KIF20B: variants seen among roughly 807,000 people sequenced by gnomAD.
KIF20B encodes the protein kinesin family member 20B.
A neutral mutation model predicts 232.5 loss-of-function variants in KIF20B; 188 were observed. That is an observed-to-expected ratio of 0.81 (90% CI 0.72 to 0.91). The LOEUF (loss-of-function observed/expected upper bound fraction) is 0.91. Ranked by LOEUF, KIF20B falls within the 40% of genes least tolerant of loss-of-function variation. The pLI, the probability that KIF20B is intolerant of heterozygous loss-of-function variation, is 0.00. For missense variants in KIF20B, 2,154 were observed against 2,055.9 expected, an observed-to-expected ratio of 1.05 and a Z score of -0.92; for synonymous variants, 712 against 683.0, an observed-to-expected ratio of 1.04 and a Z score of -0.66.
In KIF20B at chr10:89,755,230, T is replaced by C. The variant is rs182001521; in HGVS notation, c.4503+557T>C. On this transcript the variant is annotated intron_variant, in intron 26 of 32. Transcript: ENST00000371728. ...CCGAGGAAAGCTATTGAGCAACAAATATTTTAAAATGAAAAACCAGTGTCT... is the reference window on the plus strand; with the variant it reads ...CCGAGGAAAGCTATTGAGCAACAAACATTTTAAAATGAAAAACCAGTGTCT... 3.2e-3 allele frequency among the ~76,000 whole-genome samples: 486 copies of C among 152,332 alleles called. 4 individuals are homozygous for C. The highest frequency in any genetic ancestry group is 0.011 in the African/African-American group (451 of 41,578).
intron 8 of KIF20B, 66 bp from the exon 9 acceptor site, chr10:89,716,370 A>G (rs1306739391): frequency 8.6e-6 from 6 of 696,288 alleles, no homozygotes; most frequent in Non-Finnish European, 1.4e-5. Context: ...ACTTTCAAAG[A>G]GATTACATTG....
At chr10:89,764,142 C>T (rs562196574) in intron 29 of KIF20B, among the ~76,000 whole-genome samples, 1,493 of 147,198 alleles carry the variant, frequency 0.01, 31 homozygotes, top group African/African-American at 0.035. Flanking sequence ...TGAGAACATG[C>T]GGTGTTTGGT....
At chr10:89,720,934 T>G (rs1391609255) in intron 13 of KIF20B, among the ~76,000 whole-genome samples, 1 of 152,176 alleles carries the variant, frequency 6.6e-6, no homozygotes, top group Non-Finnish European at 1.5e-5. Context: ...GGTCTCGAAC[T>G]CCTGACCTTG....
At position 89,737,625 on chromosome 10, in the gene KIF20B, TTTAAG is replaced by T. The variant is rs1163769166; in HGVS notation, c.2786_2790del (p.Leu929Ter). On this transcript the variant is annotated frameshift_variant, in exon 20 of 33. Coordinates refer to ENST00000371728, the MANE Select transcript of KIF20B (RefSeq NM_001284259.2). LOFTEE classifies it high-confidence loss of function. ...CTCTTTCTGAAAAAAAGAATTTAAC[TTTAAG>T]TAAAGAGGTCCAACAAATTCAGTCA... 1 of 1,608,338 alleles carries T rather than the reference TTTAAG, an allele frequency of 6.2e-7. No homozygotes were observed. Among genetic ancestry groups the T allele is most frequent in the Non-Finnish European group, 8.5e-7 (1 of 1,177,356 alleles).
rs754451636 is a variant in KIF20B, at chr10:89,737,432, G to C, written c.2591G>C (p.Ser864Thr). The change falls in exon 20 of 33, where the codon AGT becomes ACT. Residue 864 changes from serine (S) to threonine (T), a missense_variant. Ser to Thr is a moderately conservative substitution (Grantham distance 58). Coordinates refer to ENST00000371728, the MANE Select transcript of KIF20B (RefSeq NM_001284259.2). ...GCTATCACTGAAGACCAAAAGAAAA[G>C]TGAAGAAGTGCGACCGAACATTGCA... ...SSAITEDQKK[S>T]EEVRPNIAEI... is the part of the protein sequence containing the mutation. 6.3e-7 allele frequency: 1 copy of C among 1,595,968 alleles called. No individual in the cohort carries two copies. The highest frequency in any genetic ancestry group is 8.5e-7 in the Non-Finnish European group (1 of 1,175,318).
chr10:89,712,276 C>T (rs1160816543), intron 6 of KIF20B, among the ~76,000 whole-genome samples: 1 of 151,604 alleles, frequency 6.6e-6, no homozygotes, highest in Non-Finnish European at 1.5e-5. Context: ...TTTTTAGAGA[C>T]AGGATCTTGC....
intron 21 of KIF20B, among the ~76,000 whole-genome samples, chr10:89,739,900 A>C (rs1841759031): frequency 6.6e-6 from 1 of 152,172 alleles, no homozygotes; most frequent in Non-Finnish European, 1.5e-5. Flanking sequence ...GTACAGTCGT[A>C]ATTAATCATT....
rs1466836347 is a variant in KIF20B at position 89,726,402 on chromosome 10, C to G, written c.2111C>G (p.Pro704Arg). 1.3e-6 allele frequency: 2 copies of G among 1,588,326 alleles called. No individual in the cohort carries two copies. The highest frequency in any genetic ancestry group is 2.7e-5 in the African/African-American group (2 of 73,960). Residue 704 changes from proline to arginine, a missense_variant, in exon 16 of 33, where the codon CCT (proline) becomes CGT (arginine). Coordinates refer to ENST00000371728, the MANE Select transcript of KIF20B (RefSeq NM_001284259.2). ...EIAHLYIASL[P>R]DPQEATACLE... Reference sequence around the variant, plus strand: ...GCTCACTTATATATTGCATCTCTTCCTGACCCCCAGGAAGCTACTGCTTGT... The same window carrying G: ...GCTCACTTATATATTGCATCTCTTCGTGACCCCCAGGAAGCTACTGCTTGT...
In KIF20B at chr10:89,738,169, C is replaced by T; in HGVS notation, c.3328C>T (p.Gln1110Ter). 1 of 1,607,796 alleles carries T rather than the reference C, an allele frequency of 6.2e-7. No homozygotes were observed. Among genetic ancestry groups the T allele is most frequent in the Non-Finnish European group, 8.5e-7 (1 of 1,179,192 alleles). ...NRLKEKEHKNQDDLLKEKETL... is the reference protein window; with the variant it reads ...NRLKEKEHKN ...ACTAAAGGAGAAGGAGCATAAAAAC[C>T]AAGATGACCTACTAAAAGAAAAAGA... The change falls in exon 20 of 33, where the codon CAA (glutamine) becomes TAA (stop). Residue 1110 changes from glutamine (Q) to a stop codon, truncating the protein, a stop_gained. Transcript: ENST00000371728. LOFTEE classifies it high-confidence loss of function.
Position 89,758,709 on chromosome 10 carries a change from A to C in KIF20B, c.4507A>C (p.Ile1503Leu). The change falls in exon 27 of 33, where the codon ATA becomes CTA. Residue 1503 changes from isoleucine (I) to leucine (L), a missense_variant. Transcript: ENST00000371728. ...ATTTTCTTTATTTCCTGATTAGGAA[A>C]TACTGACAGCCCAGCTGACAGAGAA... ...RFFKQQNEME[I>L]LTAQLTEKDS... 1 of 1,576,064 alleles carries C rather than the reference A, an allele frequency of 6.3e-7. No individual in the cohort carries two copies.
intron 21 of KIF20B, among the ~76,000 whole-genome samples, chr10:89,743,482 T>C (rs971409333): frequency 2.0e-5 from 3 of 152,242 alleles, no homozygotes; most frequent in African/African-American, 7.2e-5. Context: ...AGAATATCTT[T>C]ATTGATTTTT....
At chr10:89,723,268 A>G (rs908181973) in intron 13 of KIF20B, among the ~76,000 whole-genome samples, 23 of 152,356 alleles carry the variant, frequency 1.5e-4, no homozygotes, top group Admixed American at 3.9e-4. Flanking sequence ...GAAACATTAA[A>G]AAGAATATGT....
chr10:89,762,940 T>G, intron 29 of KIF20B, 105 bp downstream of exon 29: 1 of 774,376 alleles, frequency 1.3e-6, no homozygotes, highest in East Asian at 2.7e-5. Flanking sequence ...TAGGCACTGC[T>G]GTTAGAGACC....
rs932446990 is a variant in KIF20B, at chr10:89,768,881, A to G, written c.5235A>G (p.Gln1745=). 11 of 1,584,956 alleles carry G rather than the reference A, an allele frequency of 6.9e-6. No homozygotes were observed. The highest frequency in any genetic ancestry group is 5.8e-5 in the South Asian group (5 of 85,512). The part of the protein sequence containing the change: ...DFLQHSPSIL[Q]SKAKKIIETM... ...TACAACATTCTCCCTCAATTCTTCA[A>G]TCAAAAGGTTTGCAGAAAATTAATT... Residue 1745 remains glutamine, a synonymous_variant, in exon 31 of 33, where the codon CAA becomes CAG. Coordinates refer to ENST00000371728, the MANE Select transcript of KIF20B (RefSeq NM_001284259.2).
chr10:89,705,187 A>G, intron 1 of KIF20B, 107 bp from the exon 2 acceptor site: 3 of 897,906 alleles, frequency 3.3e-6, no homozygotes, highest in Non-Finnish European at 5.3e-6. Flanking sequence ...TTTCTTTTCT[A>G]AAATCTAGTT....
At chr10:89,751,168 T>A (rs1842014118) in intron 23 of KIF20B, among the ~76,000 whole-genome samples, 178 bp from the exon 24 acceptor site, 1 of 152,136 alleles carries the variant, frequency 6.6e-6, no homozygotes. Context: ...GTATGTCATA[T>A]ATACCAGTAC....
rs371676289 is a variant in KIF20B, at chr10:89,717,485, C to G, written c.1114C>G (p.Arg372Gly). 6 of 1,596,110 alleles carry G rather than the reference C, an allele frequency of 3.8e-6. No individual in the cohort carries two copies. Among genetic ancestry groups the G allele is most frequent in the Non-Finnish European group, 5.1e-6 (6 of 1,166,768 alleles). The change falls in exon 10 of 33, where the codon CGA becomes GGA. Residue 372 changes from arginine (R) to glycine (G), a missense_variant. Arg to Gly is a moderately radical substitution (Grantham distance 125). Transcript: ENST00000371728. ...AGATTCTGAAATGTCTCGTGTAATT[C>G]GAGTCAGTGAGTAAGTTGAATATTC... ...IEDSEMSRVI[R>G]VSELSLCDLA...
intron 29 of KIF20B, among the ~76,000 whole-genome samples, chr10:89,765,298 G>A (rs1333779462): frequency 2.0e-5 from 3 of 152,040 alleles, no homozygotes; most frequent in Non-Finnish European, 2.9e-5. Context: ...GCTTCAAAGA[G>A]AATAAAATAC....
At chr10:89,704,695 A>G (rs1254637804) in intron 1 of KIF20B, among the ~76,000 whole-genome samples, 1 of 152,140 alleles carries the variant, frequency 6.6e-6, no homozygotes, top group Admixed American at 6.5e-5. Context: ...AGCTGGGATT[A>G]CAGGTGCCTG....
Sources: gnomAD v4.1 joint callset for allele counts (sites outside exome capture counted in the v4.1 genomes callset) on GRCh38, gnomAD v4.1.1 for gene constraint, MANE v1.5 for transcripts, NCBI Gene and HGNC (gene_info 2026-07-23, HGNC 2026-07-21) for gene names.